MYT1L: variants seen among roughly 807,000 people sequenced by gnomAD.
MYT1L encodes myelin transcription factor 1-like protein.
MYT1L carries 12 observed loss-of-function variants against 126.7 expected under a neutral mutation model. That is an observed-to-expected ratio of 0.09 (90% confidence interval 0.06 to 0.15). The LOEUF is 0.15. Among genes scored for constraint, MYT1L ranks in the 10% least tolerant of loss-of-function variants. The pLI, the probability that MYT1L is intolerant of heterozygous loss-of-function variation, is 1.00. For synonymous variants in MYT1L, 541 were observed against 604.2 expected (o/e 0.90, Z 1.53); for missense variants, 979 against 1,585.2 (o/e 0.62, Z 6.49).
Position 2,080,366 on chromosome 2 carries a change from C to T in MYT1L, c.-303-26243G>A, listed in dbSNP as rs769180061. On this transcript the variant is annotated intron_variant, in intron 3 of 24. Transcript: ENST00000647738. The stretch of plus-strand genomic sequence containing the variant: ...AACTAAAAAGTTGATCTGACAAAGG[C>T]CACCATCATGAAAATGGAAAAACAA... Among the ~76,000 whole-genome samples, 214 of 152,100 alleles carry T rather than the reference C, an allele frequency of 1.4e-3. 3 individuals are homozygous for T. The highest frequency in any genetic ancestry group is 4.9e-4 in the Non-Finnish European group (33 of 67,992).
chr2:2,003,988 A>AGCGTTCTTTCCTGCAT (rs1268772806), intron 4 of MYT1L, among the ~76,000 whole-genome samples: 436 of 107,088 alleles, frequency 4.1e-3, no homozygotes, highest in Non-Finnish European at 6.5e-3. Context: ...CTTTCCTGCA[A>AGCGTTCTTTCCTGCAT]GCGTTCTTTC....
At chr2:1,899,304 C>T (rs1384358245) in intron 14 of MYT1L, among the ~76,000 whole-genome samples, 1 of 152,248 alleles carries the variant, frequency 6.6e-6, no homozygotes, top group Admixed American at 6.5e-5. Context: ...GCCAACGGCA[C>T]CCTATGCATG....
At chr2:2,181,969 G>C (rs1170196900) in intron 2 of MYT1L, among the ~76,000 whole-genome samples, 1 of 152,132 alleles carries the variant, frequency 6.6e-6, no homozygotes, top group Non-Finnish European at 1.5e-5. Context: ...CTGGGATGGG[G>C]ACCCAGGTTT....
intron 3 of MYT1L, among the ~76,000 whole-genome samples, chr2:2,063,636 G>C (rs2070832089): frequency 6.6e-6 from 1 of 152,176 alleles, no homozygotes; most frequent in Admixed American, 6.5e-5. Flanking sequence ...CTGCGGTCGG[G>C]AGTTTGAGAC....
At chr2:2,073,639 C>T (rs912321636) in intron 3 of MYT1L, among the ~76,000 whole-genome samples, 8 of 152,150 alleles carry the variant, frequency 5.3e-5, no homozygotes, top group African/African-American at 1.4e-4. Context: ...AGGCATTTCT[C>T]GCCTCCGCAT....
intron 12 of MYT1L, 151 bp downstream of exon 12, chr2:1,911,869 T>C (rs558149778): frequency 8.1e-5 from 39 of 483,948 alleles, no homozygotes; most frequent in Non-Finnish European, 1.3e-4. Flanking sequence ...GGGCGTGGAG[T>C]GCTTTCACTC....
At chr2:2,256,961 A>G (rs2094828645) in intron 2 of MYT1L, among the ~76,000 whole-genome samples, 1 of 152,216 alleles carries the variant, frequency 6.6e-6, no homozygotes, top group African/African-American at 2.4e-5. Flanking sequence ...GTAGTCATAC[A>G]TACATAGGTT....
intron 2 of MYT1L, among the ~76,000 whole-genome samples, chr2:2,186,269 G>A (rs1358083693): frequency 6.9e-6 from 1 of 145,698 alleles, no homozygotes; most frequent in Non-Finnish European, 1.5e-5. Flanking sequence ...GCCTTCCCGA[G>A]TCCCGCGTTC....
At chr2:2,152,914 A>G (rs2086050698) in intron 3 of MYT1L, among the ~76,000 whole-genome samples, 1 of 152,132 alleles carries the variant, frequency 6.6e-6, no homozygotes, top group Non-Finnish European at 1.5e-5. Flanking sequence ...ATGATTTCAG[A>G]AGCACACGGC....
chr2:2,233,550 C>T (rs1287336047), intron 2 of MYT1L, among the ~76,000 whole-genome samples: 1 of 152,160 alleles, frequency 6.6e-6, no homozygotes, highest in Non-Finnish European at 1.5e-5. Flanking sequence ...TCAGGACACT[C>T]GTGTGTCCCT....
intron 3 of MYT1L, among the ~76,000 whole-genome samples, chr2:2,134,303 A>G (rs1369388387): frequency 6.6e-6 from 1 of 151,998 alleles, no homozygotes; most frequent in Non-Finnish European, 1.5e-5. Context: ...ATGCCTCCAA[A>G]CTTTGTTCCT....
intron 1 of MYT1L, among the ~76,000 whole-genome samples, chr2:2,322,362 A>G (rs1427795982): frequency 2.0e-5 from 3 of 152,110 alleles, no homozygotes; most frequent in African/African-American, 7.2e-5. Flanking sequence ...TTTTGCCATG[A>G]AAGGCTGCTT....
At chr2:2,039,626 G>A (rs2067298720) in intron 4 of MYT1L, among the ~76,000 whole-genome samples, 1 of 152,184 alleles carries the variant, frequency 6.6e-6, no homozygotes, top group Non-Finnish European at 1.5e-5. Context: ...AACGTCACAG[G>A]TTCTCCACCC....
intron 2 of MYT1L, among the ~76,000 whole-genome samples, chr2:2,279,738 G>A (rs2095421950): frequency 6.6e-6 from 1 of 152,174 alleles, no homozygotes; most frequent in Admixed American, 6.5e-5. Flanking sequence ...AGCCTTCAAG[G>A]TATTTCCATT....
intron 8 of MYT1L, among the ~76,000 whole-genome samples, chr2:1,977,184 TC>T (rs1423423123): frequency 6.6e-6 from 1 of 152,180 alleles, no homozygotes; most frequent in African/African-American, 2.4e-5. Flanking sequence ...CCATGACTCC[TC>T]CCTAACATCC....
At chr2:2,118,968 G>C (rs1223652412) in intron 3 of MYT1L, among the ~76,000 whole-genome samples, 1 of 152,260 alleles carries the variant, frequency 6.6e-6, no homozygotes, top group Non-Finnish European at 1.5e-5. Context: ...GCGTGCGCCA[G>C]GGCGCATGGT....
chr2:2,154,636 A>G (rs752168346), intron 3 of MYT1L, among the ~76,000 whole-genome samples: 1 of 152,182 alleles, frequency 6.6e-6, no homozygotes, highest in African/African-American at 2.4e-5. Context: ...AAGAGAATAC[A>G]TGAACACATA....
rs1397809436 is a variant in MYT1L at position 1,946,953 on chromosome 2, G to A, written c.153-3619C>T. On this transcript the variant is annotated intron_variant, in intron 8 of 24. Coordinates refer to ENST00000647738, the MANE Select transcript of MYT1L (RefSeq NM_001303052.2). Reference sequence around the variant, plus strand: ...GTTAGCAGATAATAGATGCAGCTGTGCACGGATGGCTCCTCCAGAGCCTGC... The same window carrying A: ...GTTAGCAGATAATAGATGCAGCTGTACACGGATGGCTCCTCCAGAGCCTGC... 2.0e-5 allele frequency among the ~76,000 whole-genome samples: 3 copies of A among 152,190 alleles called. No individual in the cohort carries two copies. The South Asian group carries it at 6.2e-4, about 32-fold the overall frequency.
At chr2:2,309,147 G>A (rs2095910612) in intron 1 of MYT1L, among the ~76,000 whole-genome samples, 1 of 149,568 alleles carries the variant, frequency 6.7e-6, no homozygotes, top group Admixed American at 6.6e-5. Flanking sequence ...ACCATACTCT[G>A]CCTACACTTC....
Sources: allele counts gnomAD v4.1 joint callset (sites outside exome capture counted in the v4.1 genomes callset), GRCh38; gene constraint gnomAD v4.1.1; transcripts MANE v1.5; gene names NCBI Gene and HGNC (gene_info 2026-07-23, HGNC 2026-07-21).